AKT1S1: variants seen among roughly 807,000 people sequenced by gnomAD.
AKT1S1 encodes the protein AKT1 substrate 1.
In AKT1S1, 17 loss-of-function variants were observed where a neutral mutation model predicts 21.2. The observed-to-expected ratio is 0.80, with a 90% CI of 0.55 to 1.20. The LOEUF (loss-of-function observed/expected upper bound fraction) is 1.20, where lower values mean the gene tolerates loss of function less well. Ranked by LOEUF, AKT1S1 falls within the 50% of genes most tolerant of loss-of-function variation. The probability of loss-of-function intolerance (pLI) is 0.00; values close to 1 mark genes in which losing one functional copy is unlikely to be tolerated. For missense variants in AKT1S1, 366 were observed against 368.3 expected (o/e 0.99, Z 0.05); for synonymous variants, 181 against 165.6 (o/e 1.09, Z -0.72).
Position 49,869,420 on chromosome 19 carries a change from G to A in AKT1S1, c.*497C>T, listed in dbSNP as rs1302545490. On this transcript the variant is annotated 3_prime_UTR_variant, in exon 5 of 5. Coordinates refer to ENST00000344175, the MANE Select transcript of AKT1S1 (RefSeq NM_001098633.4). ...ATTGAAGGCCCCGGGCCAATTCTGG[G>A]AAGAGGAGGGCTTGGCCACGCCCCC... 1 of 153,214 alleles carries A rather than the reference G, an allele frequency of 6.5e-6. No homozygotes were observed. The highest frequency in any genetic ancestry group is 2.4e-5 in the African/African-American group (1 of 41,458). The allele number at this position is 153,214 out of a possible 1,614,324, so 9.5% of individuals were successfully genotyped here. A position where few individuals can be genotyped will look rare whatever the true frequency, so the allele number is the denominator to read the frequency against.
At chr19:49,877,394 G>A (rs944318955), upstream of AKT1S1, 1 of 400,760 alleles carries the variant, frequency 2.5e-6, no homozygotes, top group Admixed American at 4.4e-5. Flanking sequence ...ATATGGAGAA[G>A]GAAGTGGGCG....
At chr19:49,870,326 A>T (rs1163647586) in intron 4 of AKT1S1, among the ~76,000 whole-genome samples, 5 of 152,176 alleles carry the variant, frequency 3.3e-5, no homozygotes, top group African/African-American at 1.2e-4. Flanking sequence ...TGCTTCCTAC[A>T]CAGTGGAAGT....
In AKT1S1 at chr19:49,871,572, C is replaced by A. The variant is rs767993718; in HGVS notation, c.602G>T (p.Arg201Leu). 2 of 1,614,050 alleles carry A rather than the reference C, an allele frequency of 1.2e-6. No individual in the cohort carries two copies. Among genetic ancestry groups the A allele is most frequent in the South Asian group, 1.1e-5 (1 of 91,090 alleles). Residue 201 changes from arginine to leucine, a missense_variant, in exon 4 of 5, where the codon CGG (arginine) becomes CTG (leucine). Transcript: ENST00000344175. ...WGFKEKRTEA[R>L]SSDEENGPPS... The stretch of plus-strand genomic sequence containing the variant: ...CGGCCCATTCTCCTCATCTGATGAC[C>A]GCGCCTCTGTCCTCTTCTCCTTGAA...
In AKT1S1 at chr19:49,873,407, A is replaced by C; in HGVS notation, c.-7-105T>G. 3.7e-6 allele frequency: 5 copies of C among 1,361,810 alleles called. No homozygotes were observed. Among genetic ancestry groups the C allele is most frequent in the Non-Finnish European group, 4.7e-6 (5 of 1,063,438 alleles). 84.4% of individuals were successfully genotyped at this position (1,361,810 alleles called of 1,614,324 possible). A position where few individuals can be genotyped will look rare whatever the true frequency, so the allele number is the denominator to read the frequency against. On this transcript the variant is annotated intron_variant, in intron 1 of 4. Coordinates refer to ENST00000344175, the MANE Select transcript of AKT1S1 (RefSeq NM_001098633.4). The surrounding 1 kb of genome is among the most constrained non-coding windows in gnomAD (Gnocchi z 6.9). ...CCCTGGATGGCACTCACCACCCTCC[A>C]CCCACCTTGTCCCAGCGGTGCTGTG...
At chr19:49,876,188 G>C (rs149506022) in intron 1 of AKT1S1, 1 of 1,015,454 alleles carries the variant, frequency 9.8e-7, no homozygotes, top group Admixed American at 5.9e-5. Context: ...GCTGCCCCGA[G>C]ACCTCCCAAC....
upstream of AKT1S1, chr19:49,877,845 G>A (rs2074969464): frequency 7.1e-7 from 1 of 1,410,386 alleles, no homozygotes; most frequent in Non-Finnish European, 9.7e-7. Flanking sequence ...ATCCGGCACG[G>A]CCTTGGCAAA....
upstream of AKT1S1, chr19:49,878,145 G>A: frequency 6.3e-7 from 1 of 1,576,548 alleles, no homozygotes; most frequent in Non-Finnish European, 8.6e-7. Flanking sequence ...CAACTCAGGT[G>A]GTGTTTGAGA....
chr19:49,869,152 C>T lies in AKT1S1; in HGVS notation c.*765G>A, dbSNP rs1048324248. The T allele has an allele frequency of 6.6e-6, 1 of 152,556 alleles. No homozygotes were observed. Among genetic ancestry groups the T allele is most frequent in the African/African-American group, 2.4e-5 (1 of 41,478 alleles). The allele number at this position is 152,556 out of a possible 1,614,324, so 9.5% of individuals were successfully genotyped here. On this transcript the variant is annotated 3_prime_UTR_variant, in exon 5 of 5. Coordinates refer to ENST00000344175, the MANE Select transcript of AKT1S1 (RefSeq NM_001098633.4). ...CCGGAGAGTGAGGGCCCCTGCCCCC[C>T]ACCTTGGGTGGACGAGGGCCCTTTA... is the stretch of plus-strand genomic sequence containing the variant.
chr19:49,871,453 G>A (rs745394275), intron 4 of AKT1S1, 94 bp downstream of exon 4: 20 of 1,527,480 alleles, frequency 1.3e-5, no homozygotes, highest in Non-Finnish European at 1.6e-5. Flanking sequence ...TAGCTTATGG[G>A]TGGAAAGCAG....
intron 4 of AKT1S1, among the ~76,000 whole-genome samples, chr19:49,870,449 G>A (rs896428005): frequency 6.6e-6 from 1 of 152,244 alleles, no homozygotes. Flanking sequence ...CTATGAGCAA[G>A]AGGTTTTGCT....
chr19:49,878,155 A>C, upstream of AKT1S1: 1 of 1,578,170 alleles, frequency 6.3e-7, no homozygotes, highest in Non-Finnish European at 8.6e-7. Flanking sequence ...GGTGTTTGAG[A>C]AGGGCGGAGT....
Position 49,869,736 on chromosome 19 carries a change from C to A in AKT1S1, c.*181G>T. The A allele has an allele frequency of 1.5e-6, 1 of 649,844 alleles. No homozygotes were observed. Among genetic ancestry groups the A allele is most frequent in the Non-Finnish European group, 2.4e-6 (1 of 424,228 alleles). The allele number at this position is 649,844 out of a possible 1,614,324, so 40.3% of individuals were successfully genotyped here. A position where few individuals can be genotyped will look rare whatever the true frequency, so the allele number is the denominator to read the frequency against. On this transcript the variant is annotated 3_prime_UTR_variant, in exon 5 of 5. Coordinates refer to ENST00000344175, the MANE Select transcript of AKT1S1 (RefSeq NM_001098633.4). ...GGGAAACGGGACAGATGCCGCTCCTCGGCGCGGCAGGTCGTGGGCTGGAAG... is the reference window on the plus strand; with the variant it reads ...GGGAAACGGGACAGATGCCGCTCCTAGGCGCGGCAGGTCGTGGGCTGGAAG...
chr19:49,877,494 A>C (rs1600439351), upstream of AKT1S1: 9 of 527,048 alleles, frequency 1.7e-5, no homozygotes, highest in South Asian at 2.2e-4. Flanking sequence ...GCGCCTGCGC[A>C]CTCTCCGTAG....
At chr19:49,876,782 G>A (rs1424088565) in intron 1 of AKT1S1, 2 of 1,153,618 alleles carry the variant, frequency 1.7e-6, no homozygotes, top group South Asian at 2.0e-5. Context: ...GTTGACAAGG[G>A]TGACGACAGC....
intron 1 of AKT1S1, chr19:49,876,296 T>C (rs2074943248): frequency 8.4e-7 from 1 of 1,187,952 alleles, no homozygotes; most frequent in Non-Finnish European, 1.0e-6. Context: ...TTTGGACGGG[T>C]GAGGGGCGCC....
In AKT1S1 at chr19:49,871,599, C is replaced by A. The variant is rs1259192397; in HGVS notation, c.575G>T (p.Gly192Val). 1.2e-6 allele frequency: 2 copies of A among 1,613,976 alleles called. No individual in the cohort carries two copies. The highest frequency in any genetic ancestry group is 1.7e-6 in the Non-Finnish European group (2 of 1,180,042). ...CGCCTCTGTCCTCTTCTCCTTGAAG[C>A]CCCAGACGGGCACAGACACAGGCAG... is the stretch of plus-strand genomic sequence containing the variant. Reference protein sequence around the residue: ...KSLPVSVPVWGFKEKRTEARS... With the variant: ...KSLPVSVPVWVFKEKRTEARS... Residue 192 changes from glycine to valine, a missense_variant, in exon 4 of 5, where the codon GGC becomes GTC. Coordinates refer to ENST00000344175, the MANE Select transcript of AKT1S1 (RefSeq NM_001098633.4).
rs1306965482 is a variant in AKT1S1 at position 49,872,928 on chromosome 19, C to T, written c.368G>A (p.Ser123Asn). Residue 123 changes from serine to asparagine, a missense_variant, in exon 2 of 5, where the codon AGT becomes AAT. By Grantham distance (46) the Ser-to-Asn change is conservative (BLOSUM62 1). Transcript: ENST00000344175. ...CCCCACCCTCTCACCTCCATTATCACTAATGCCCAGCTGCTCCCCGGAGGT... is the reference window on the plus strand; with the variant it reads ...CCCCACCCTCTCACCTCCATTATCATTAATGCCCAGCTGCTCCCCGGAGGT... ...TETSGEQLGI[S>N]DNGGLFVMDE... The T allele has an allele frequency of 2.5e-6, 4 of 1,600,820 alleles. No individual in the cohort carries two copies. Among genetic ancestry groups the T allele is most frequent in the South Asian group, 1.1e-5 (1 of 90,080 alleles).
At chr19:49,870,384 A>G (rs544054627) in intron 4 of AKT1S1, among the ~76,000 whole-genome samples, 108 of 152,272 alleles carry the variant, frequency 7.1e-4, no homozygotes, top group African/African-American at 2.4e-3. Flanking sequence ...CTCATGTCTG[A>G]GGATCTGGGC....
In AKT1S1 at chr19:49,871,198, G is replaced by T. The variant is rs533338421; in HGVS notation, c.627+349C>A. 4.6e-5 allele frequency among the ~76,000 whole-genome samples: 7 copies of T among 152,268 alleles called. No individual in the cohort carries two copies. The East Asian group carries it at 1.4e-3, about 29-fold the overall frequency. ...CAGGGGGTGGGACAAATTCTGCAAA[G>T]GGCTAGGAATGTGCAGGGTGGGGAT... On this transcript the variant is annotated intron_variant, in intron 4 of 4. Transcript: ENST00000344175.
Sources: allele counts gnomAD v4.1 joint callset (sites outside exome capture counted in the v4.1 genomes callset), GRCh38; gene constraint gnomAD v4.1.1; non-coding constraint Gnocchi (gnomAD v3.1); transcripts MANE v1.5; gene names NCBI Gene and HGNC (gene_info 2026-07-23, HGNC 2026-07-21).